EVI5: variants seen among roughly 807,000 people sequenced by gnomAD.
EVI5 encodes ecotropic viral integration site 5 protein homolog.
In EVI5, 73 loss-of-function variants were observed where a neutral mutation model predicts 112.0. That is an observed-to-expected ratio of 0.65 (90% CI 0.54 to 0.79). The LOEUF is 0.79. Among genes scored for constraint, EVI5 ranks in the 30% least tolerant of loss-of-function variants. EVI5 has a pLI of 0.00. For synonymous variants in EVI5, 305 were observed against 319.9 expected (o/e 0.95, Z 0.50); for missense variants, 900 against 968.8 (o/e 0.93, Z 0.94).
chr1:92,683,489 G>C (rs1180489687), intron 9 of EVI5, among the ~76,000 whole-genome samples: 3 of 152,164 alleles, frequency 2.0e-5, no homozygotes, highest in Non-Finnish European at 2.9e-5. Flanking sequence ...AAAACACAGA[G>C]CACCTCTTCG....
chr1:92,678,482 G>A (rs1163761267), intron 9 of EVI5, among the ~76,000 whole-genome samples: 1 of 152,112 alleles, frequency 6.6e-6, no homozygotes, highest in Non-Finnish European at 1.5e-5. Context: ...AGTGAGCCAT[G>A]ATCTAGCCAC....
intron 18 of EVI5, among the ~76,000 whole-genome samples, chr1:92,587,444 A>G (rs74668206): frequency 0.06 from 9,093 of 151,590 alleles, 488 homozygotes; most frequent in Non-Finnish European, 0.085. Context: ...GAAAGTACAA[A>G]CTAATCACAA....
At position 92,628,067 on chromosome 1, in the gene EVI5, C is replaced by T. The variant is rs548536881; in HGVS notation, c.1528-2133G>A. Among the ~76,000 whole-genome samples, 8 of 152,278 alleles carry T rather than the reference C, an allele frequency of 5.3e-5. No homozygotes were observed. The East Asian group carries it at 1.5e-3, about 29-fold the overall frequency. ...CCTCCCAAAGGGCTGGGATTACAGG[C>T]GTGAGCCACCGCACCCAGCCGATGT... is the stretch of plus-strand genomic sequence containing the variant. On this transcript the variant is annotated intron_variant, in intron 14 of 19. Transcript: ENST00000684568.
At chr1:92,737,660 C>T (rs1677668118) in intron 1 of EVI5, among the ~76,000 whole-genome samples, 1 of 152,104 alleles carries the variant, frequency 6.6e-6, no homozygotes, top group African/African-American at 2.4e-5. Flanking sequence ...GTAGGTACCA[C>T]TCTCCTCATT....
chr1:92,719,662 C>G (rs1043847009), intron 2 of EVI5, among the ~76,000 whole-genome samples: 3 of 152,048 alleles, frequency 2.0e-5, no homozygotes, highest in Non-Finnish European at 4.4e-5. Flanking sequence ...TCTCTCTCCA[C>G]TCCTATTCAA....
chr1:92,660,941 TACTTTAATA>T (rs1663894291), intron 13 of EVI5, among the ~76,000 whole-genome samples: 1 of 152,048 alleles, frequency 6.6e-6, no homozygotes, highest in Non-Finnish European at 1.5e-5. Flanking sequence ...ATATAAATTA[TACTTTAATA>T]AAGTTAATTT....
chr1:92,593,296 T>C lies in EVI5; in HGVS notation c.2070+12011A>G, dbSNP rs946142356. On this transcript the variant is annotated intron_variant, in intron 18 of 19. Transcript: ENST00000684568. ...AAATCAATAAATGTAATCCAGCATA[T>C]AAACAGAACCAACGACAAAAATCAC... is the stretch of plus-strand genomic sequence containing the variant. 7.9e-5 allele frequency among the ~76,000 whole-genome samples: 12 copies of C among 152,264 alleles called. No homozygotes were observed. In the East Asian group the frequency reaches 1.7e-3, roughly 22 times the overall value.
rs377319833 is a variant in EVI5 at position 92,523,747 on chromosome 1, T to C, written c.2167-9777A>G. ...AATATTAGAGATGTTAAGAGTACCCTTCTGACTTGCTAATTCTCTACACCA... is the reference window on the plus strand; with the variant it reads ...AATATTAGAGATGTTAAGAGTACCCCTCTGACTTGCTAATTCTCTACACCA... On this transcript the variant is annotated intron_variant, in intron 19 of 19. Coordinates refer to ENST00000684568, the MANE Select transcript of EVI5 (RefSeq NM_001350197.2). Among the ~76,000 whole-genome samples, 105 of 152,246 alleles carry C rather than the reference T, an allele frequency of 6.9e-4. 1 individual carries two copies. The highest frequency in any genetic ancestry group is 2.5e-3 in the African/African-American group (103 of 41,558).
chr1:92,681,913 T>C (rs1033469371), intron 9 of EVI5, among the ~76,000 whole-genome samples: 4 of 152,174 alleles, frequency 2.6e-5, no homozygotes, highest in African/African-American at 9.7e-5. Context: ...CACCCTACCA[T>C]GTTTCTGACT....
At position 92,607,634 on chromosome 1, in the gene EVI5, G is replaced by T; in HGVS notation, c.1921C>A (p.Leu641Ile). The change falls in exon 17 of 20, where the codon CTC becomes ATC. Residue 641 changes from leucine to isoleucine, a missense_variant. Coordinates refer to ENST00000684568, the MANE Select transcript of EVI5 (RefSeq NM_001350197.2). ...TTTGCTTCACTTAATTGAGTAAGGA[G>T]TCCTTTGTTCTGTGCAGAAAGATAC... ...VQYLSAQNKG[L>I]LTQLSEAKRK... 1 of 1,604,808 alleles carries T rather than the reference G, an allele frequency of 6.2e-7. No individual in the cohort carries two copies. Among genetic ancestry groups the T allele is most frequent in the Non-Finnish European group, 8.5e-7 (1 of 1,176,742 alleles).
chr1:92,715,556 G>C (rs1233723211), intron 2 of EVI5, among the ~76,000 whole-genome samples: 1 of 152,156 alleles, frequency 6.6e-6, no homozygotes, highest in Non-Finnish European at 1.5e-5. Context: ...GCAGAAGACG[G>C]GTGATTTCTG....
At chr1:92,576,580 G>A (rs1203703076) in intron 18 of EVI5, among the ~76,000 whole-genome samples, 1 of 152,114 alleles carries the variant, frequency 6.6e-6, no homozygotes, top group African/African-American at 2.4e-5. Context: ...ACAAAATACT[G>A]GTAGGCAAGT....
In EVI5 at chr1:92,657,223, C is replaced by A. The variant is rs569279765; in HGVS notation, c.1392+5496G>T. On this transcript the variant is annotated intron_variant, in intron 13 of 19. Coordinates refer to ENST00000684568, the MANE Select transcript of EVI5 (RefSeq NM_001350197.2). ...CTGCAGGGATGCAAGGATGGTTCAA[C>A]ATAAATAAATCAATAACTGTGATTC... Among the ~76,000 whole-genome samples the A allele has an allele frequency of 4.6e-5, 7 of 152,232 alleles. No homozygotes were observed. The South Asian group carries it at 8.3e-4, about 18-fold the overall frequency.
chr1:92,742,235 T>C (rs1678524456), intron 1 of EVI5, among the ~76,000 whole-genome samples: 1 of 152,000 alleles, frequency 6.6e-6, no homozygotes, highest in African/African-American at 2.4e-5. Flanking sequence ...ACATTACTAA[T>C]TTTTTTAAGA....
At chr1:92,779,297 C>T (rs536031152) in intron 1 of EVI5, among the ~76,000 whole-genome samples, 8 of 152,210 alleles carry the variant, frequency 5.3e-5, no homozygotes, top group South Asian at 2.1e-4. Flanking sequence ...CCAAGGTGGA[C>T]GGATCACCTG....
chr1:92,690,610 A>G (rs1022358729), intron 9 of EVI5, among the ~76,000 whole-genome samples: 2 of 152,028 alleles, frequency 1.3e-5, no homozygotes, highest in African/African-American at 2.4e-5. Context: ...TCGGCCTCCC[A>G]AAGTACTGGG....
intron 18 of EVI5, among the ~76,000 whole-genome samples, chr1:92,592,570 G>A (rs9660913): frequency 0.92 from 140,270 of 152,260 alleles, 64,699 homozygotes; most frequent in East Asian, 0.97. Flanking sequence ...AACTAAGATC[G>A]GAGCAGAACT....
chr1:92,592,686 GAAGAA>G (rs1450184914), intron 18 of EVI5, among the ~76,000 whole-genome samples: 4 of 151,972 alleles, frequency 2.6e-5, no homozygotes, highest in African/African-American at 9.7e-5. Context: ...GACTAATAAA[GAAGAA>G]AAGAGAGAAG....
chr1:92,605,134 T>C (rs1452936140), intron 18 of EVI5, among the ~76,000 whole-genome samples, 173 bp downstream of exon 18: 6 of 152,170 alleles, frequency 3.9e-5, no homozygotes, highest in Admixed American at 2.0e-4. Flanking sequence ...CAGAACTGTA[T>C]ACTTTAAAAT....
Sources: allele counts gnomAD v4.1 joint callset (sites outside exome capture counted in the v4.1 genomes callset), GRCh38; gene constraint gnomAD v4.1.1; transcripts MANE v1.5; gene names NCBI Gene and HGNC (gene_info 2026-07-23, HGNC 2026-07-21).